The following LIMK2 variants were observed in gnomAD, a reference collection of about 807,000 sequenced individuals.
LIMK2 encodes the protein LIM domain kinase 2.
A neutral mutation model predicts 75.7 loss-of-function variants in LIMK2; 35 were observed. The ratio of observed to expected loss-of-function variants is 0.46; its 90% CI spans 0.35 to 0.61. The LOEUF (loss-of-function observed/expected upper bound fraction) is 0.61, where lower values mean the gene tolerates loss of function less well. LIMK2 is among the 20% of genes least tolerant of loss of function. LIMK2 has a pLI of 0.00. For missense variants in LIMK2, 623 were observed against 831.0 expected (o/e 0.75, Z 3.08); for synonymous variants, 301 against 319.2 (o/e 0.94, Z 0.61).
intron 2 of LIMK2, among the ~76,000 whole-genome samples, chr22:31,239,883 C>A (rs2048609751): frequency 6.6e-6 from 1 of 151,586 alleles, no homozygotes; most frequent in African/African-American, 2.4e-5. Flanking sequence ...CATCTCTTCG[C>A]TCTACAATAT....
At chr22:31,229,045 T>A (rs2048503055) in intron 2 of LIMK2, among the ~76,000 whole-genome samples, 1 of 152,184 alleles carries the variant, frequency 6.6e-6, no homozygotes, top group Non-Finnish European at 1.5e-5. Context: ...TATGTATACA[T>A]TTCTCTTATT....
chr22:31,276,817 C>T, intron 15 of LIMK2: 1 of 1,611,418 alleles, frequency 6.2e-7, no homozygotes, highest in Non-Finnish European at 8.5e-7. Flanking sequence ...AGGAGAGGGC[C>T]CGGGCTGCGC....
Position 31,258,391 on chromosome 22 carries a change from C to A in LIMK2, c.217C>A (p.His73Asn), listed in dbSNP as rs778373418. ...DYWGKFGEFC[H>N]GCSLLMTGPF... ...CTGGGGGAAGTTTGGGGAGTTCTGT[C>A]ATGGGTGCTCCCTGCTGATGACAGG... is the stretch of plus-strand genomic sequence containing the variant. The change falls in exon 3 of 16, where the codon CAT (histidine) becomes AAT (asparagine). Residue 73 changes from histidine (H) to asparagine (N), a missense_variant. By Grantham distance (68) the His-to-Asn change is moderately conservative. Transcript: ENST00000331728. 6.2e-7 allele frequency: 1 copy of A among 1,614,140 alleles called. No homozygotes were observed. The highest frequency in any genetic ancestry group is 2.2e-5 in the East Asian group (1 of 44,882).
chr22:31,263,877 GCTA>G (rs1434833562), intron 7 of LIMK2, among the ~76,000 whole-genome samples: 3 of 152,122 alleles, frequency 2.0e-5, no homozygotes, highest in African/African-American at 7.2e-5. Context: ...TGTAATCCCA[GCTA>G]CTCAAGAGGC....
intron 1 of LIMK2, among the ~76,000 whole-genome samples, chr22:31,219,067 A>G (rs922786684): frequency 2.8e-4 from 43 of 152,098 alleles, no homozygotes; most frequent in African/African-American, 1.0e-3. Context: ...TACCAGGCCA[A>G]CCCTTCCACT....
chr22:31,231,526 A>C (rs939062625), intron 2 of LIMK2, among the ~76,000 whole-genome samples: 1 of 152,164 alleles, frequency 6.6e-6, no homozygotes, highest in Non-Finnish European at 1.5e-5. Context: ...CTGACAGAGG[A>C]AGGAAGGGCA....
intron 1 of LIMK2, among the ~76,000 whole-genome samples, chr22:31,220,099 G>T (rs1161443613): frequency 6.6e-6 from 1 of 151,974 alleles, no homozygotes; most frequent in Non-Finnish European, 1.5e-5. Context: ...TAGAATAAAG[G>T]TGGTAAGAGA....
At chr22:31,237,218 G>A (rs1223919506) in intron 2 of LIMK2, among the ~76,000 whole-genome samples, 2 of 144,814 alleles carry the variant, frequency 1.4e-5, no homozygotes, top group Admixed American at 7.1e-5. Flanking sequence ...CTGAGATCGC[G>A]CCACTGCAGT....
In LIMK2 at chr22:31,225,835, C is replaced by T. The variant is rs1454786752; in HGVS notation, c.116+16C>T. ...CTTGCTTCCGGTAGGTGGGCCTATC[C>T]TCCCATCTTTACCAGTGTACTATGG... On this transcript the variant is annotated intron_variant, in intron 2 of 15. Transcript: ENST00000331728. 6.3e-7 allele frequency: 1 copy of T among 1,583,138 alleles called. No homozygotes were observed. Among genetic ancestry groups the T allele is most frequent in the Non-Finnish European group, 8.7e-7 (1 of 1,153,024 alleles).
At chr22:31,234,184 A>G (rs1338605352) in intron 2 of LIMK2, among the ~76,000 whole-genome samples, 2 of 151,620 alleles carry the variant, frequency 1.3e-5, no homozygotes, top group Admixed American at 6.6e-5. Context: ...GCTAATTTTT[A>G]TATTTTTAGT....
chr22:31,269,406 T>C (rs2048932899), intron 11 of LIMK2, among the ~76,000 whole-genome samples: 1 of 151,230 alleles, frequency 6.6e-6, no homozygotes, highest in Non-Finnish European at 1.5e-5. Context: ...GGGATTACAG[T>C]TGTGAGCCAC....
At chr22:31,223,156 C>T (rs747828122) in intron 1 of LIMK2, among the ~76,000 whole-genome samples, 1 of 152,054 alleles carries the variant, frequency 6.6e-6, no homozygotes, top group Non-Finnish European at 1.5e-5. Context: ...GCTAGAGAGA[C>T]ATTTGGAAAG....
At position 31,245,899 on chromosome 22, in the gene LIMK2, G is replaced by A. The variant is rs536859529; in HGVS notation, c.117-12392G>A. Among the ~76,000 whole-genome samples the A allele has an allele frequency of 3.3e-5, 5 of 151,926 alleles. No homozygotes were observed. The South Asian group carries it at 8.3e-4, about 25-fold the overall frequency. On this transcript the variant is annotated intron_variant, in intron 2 of 15. Coordinates refer to ENST00000331728, the MANE Select transcript of LIMK2 (RefSeq NM_005569.4). ...AAAAAAAAATAAGCCAGGGCCGGGCGCAGTGGCTCACACCTATAATCTCAG... is the reference window on the plus strand; with the variant it reads ...AAAAAAAAATAAGCCAGGGCCGGGCACAGTGGCTCACACCTATAATCTCAG...
At chr22:31,228,562 C>T (rs938487259) in intron 2 of LIMK2, among the ~76,000 whole-genome samples, 3 of 152,148 alleles carry the variant, frequency 2.0e-5, no homozygotes, top group African/African-American at 7.2e-5. Flanking sequence ...GAATATTACT[C>T]ATGCCACATG....
intron 1 of LIMK2, among the ~76,000 whole-genome samples, chr22:31,221,386 G>T (rs1212469066): frequency 6.6e-6 from 1 of 150,792 alleles, no homozygotes; most frequent in Non-Finnish European, 1.5e-5. Context: ...GCTCAGCTTG[G>T]AAATTACTTC....
chr22:31,259,795 G>A (rs2048819427), intron 4 of LIMK2, 94 bp from the exon 5 acceptor site: 3 of 1,040,894 alleles, frequency 2.9e-6, no homozygotes, highest in Non-Finnish European at 4.1e-6. Flanking sequence ...TGAGACTATG[G>A]GTACTGTTGC....
At position 31,269,803 on chromosome 22, in the gene LIMK2, G is replaced by T. The variant is rs1364059200; in HGVS notation, c.1318-1333G>T. On this transcript the variant is annotated intron_variant, in intron 11 of 15. Coordinates refer to ENST00000331728, the MANE Select transcript of LIMK2 (RefSeq NM_005569.4). ...AAAAAAAAAAAGAGAGACTGATATG[G>T]TTAGTACATTGGGGTGGAATGCGGA... is the stretch of plus-strand genomic sequence containing the variant. 4.6e-5 allele frequency among the ~76,000 whole-genome samples: 7 copies of T among 151,900 alleles called. No individual in the cohort carries two copies. The South Asian group carries it at 1.0e-3, about 23-fold the overall frequency.
chr22:31,253,646 C>T (rs2267171), intron 2 of LIMK2, among the ~76,000 whole-genome samples: 13,061 of 152,292 alleles, frequency 0.086, 857 homozygotes, highest in East Asian at 0.4. Flanking sequence ...TGACATAGTA[C>T]AGTGGATGTG....
At chr22:31,254,422 C>G (rs1475829136) in intron 2 of LIMK2, among the ~76,000 whole-genome samples, 1 of 152,230 alleles carries the variant, frequency 6.6e-6, no homozygotes, top group African/African-American at 2.4e-5. Flanking sequence ...TCTTGCCACT[C>G]CTACCATTTT....
Sources: gnomAD v4.1 joint callset for allele counts (sites outside exome capture counted in the v4.1 genomes callset) on GRCh38, gnomAD v4.1.1 for gene constraint, MANE v1.5 for transcripts, NCBI Gene and HGNC (gene_info 2026-07-23, HGNC 2026-07-21) for gene names.